POLM: variants seen among roughly 807,000 people sequenced by gnomAD.
POLM encodes DNA-directed DNA/RNA polymerase mu.
Under a neutral mutation model 56.7 loss-of-function variants are expected in POLM, and 52 were observed. That is an observed-to-expected ratio of 0.92 (90% confidence interval 0.73 to 1.15). The LOEUF (loss-of-function observed/expected upper bound fraction) is 1.15. Ranked by LOEUF, POLM falls within the 50% of genes most tolerant of loss-of-function variation. POLM has a pLI of 0.00. For synonymous variants in POLM, 273 were observed against 274.3 expected (o/e 1.00, Z 0.05); for missense variants, 660 against 663.6 (o/e 0.99, Z 0.06).
chr7:44,073,639 A>G lies in POLM; in HGVS notation c.1384T>C (p.Phe462Leu). 6.2e-7 allele frequency: 1 copy of G among 1,614,130 alleles called. No individual in the cohort carries two copies. The highest frequency in any genetic ancestry group is 1.1e-5 in the South Asian group (1 of 91,078). The change falls in exon 10 of 11, where the codon TTT becomes CTT. Residue 462 changes from phenylalanine to leucine, a missense_variant. Phe to Leu is a conservative substitution (Grantham distance 22, BLOSUM62 0). Coordinates refer to ENST00000242248, the MANE Select transcript of POLM (RefSeq NM_013284.4). ...KGLWLNSHGL[F>L]DPEQKTFFQA... is the part of the protein sequence containing the mutation. ...CAACAATGTACCTGCTCCGGGTCAA[A>G]CAGCCCATGGCTGTTCAGCCACAGG...
At chr7:44,079,472 G>A (rs2096193186) in intron 4 of POLM, 99 bp downstream of exon 4, 2 of 1,158,814 alleles carry the variant, frequency 1.7e-6, no homozygotes, top group Non-Finnish European at 2.5e-6. Context: ...ACCCACGACT[G>A]TCTGTCCTCA....
chr7:44,076,629 G>A lies in POLM; in HGVS notation c.715C>T (p.Leu239Phe), dbSNP rs749788115. 8 of 1,613,730 alleles carry A rather than the reference G, an allele frequency of 5.0e-6. No individual in the cohort carries two copies. The Admixed American group carries it at 1.3e-4, about 27-fold the overall frequency. ...CCGACCCCGAAGATCTGGGTGAAGA[G>A]CTGTGGGGAAGGAGCGTAGCCCGGT... ...RRSERYQTMK[L>F]FTQIFGVGVK... The change falls in exon 6 of 11, where the codon CTC becomes TTC. Residue 239 changes from leucine (L) to phenylalanine (F), a missense_variant and splice_region_variant. Leu to Phe is a conservative substitution (Grantham distance 22, BLOSUM62 0). Coordinates refer to ENST00000242248, the MANE Select transcript of POLM (RefSeq NM_013284.4).
At chr7:44,076,122 TA>T in intron 6 of POLM, 1 of 164,772 alleles carries the variant, frequency 6.1e-6, no homozygotes. Flanking sequence ...AAATGGTAGA[TA>T]AGACTCAAAC....
At position 44,073,213 on chromosome 7, in the gene POLM, A is replaced by G. The variant is rs2096173093; in HGVS notation, c.*78T>C. On this transcript the variant is annotated 3_prime_UTR_variant, in exon 11 of 11. Transcript: ENST00000242248. ...GTGAAGGTGGGGGTCAGGGGGCAGCATATCTGCCTGGAGACATTCAGTGGC... is the reference window on the plus strand; with the variant it reads ...GTGAAGGTGGGGGTCAGGGGGCAGCGTATCTGCCTGGAGACATTCAGTGGC... 3.1e-6 allele frequency: 5 copies of G among 1,611,860 alleles called. No individual in the cohort carries two copies. Among genetic ancestry groups the G allele is most frequent in the African/African-American group, 1.3e-5 (1 of 74,994 alleles).
intron 2 of POLM, 123 bp downstream of exon 2, chr7:44,080,610 T>C: frequency 1.8e-6 from 2 of 1,089,598 alleles, no homozygotes; most frequent in Non-Finnish European, 2.8e-6. Context: ...GGGTAGAGTC[T>C]TCACTGCCCA....
intron 1 of POLM, 63 bp downstream of exon 1, chr7:44,082,188 C>A: frequency 7.4e-7 from 1 of 1,355,776 alleles, no homozygotes; most frequent in Non-Finnish European, 9.6e-7. Context: ...AGTGCCACTG[C>A]AAACTTAGAA....
In POLM at chr7:44,073,665, C is replaced by T. The variant is rs1210956068; in HGVS notation, c.1358G>A (p.Gly453Asp). ...CAGCCCATGGCTGTTCAGCCACAGG[C>T]CCTTCTCCTTCCGGCTGAAGCGGCG... is the stretch of plus-strand genomic sequence containing the variant. The part of the protein sequence containing the change: ...ELRRFSRKEK[G>D]LWLNSHGLFD... The change falls in exon 10 of 11, where the codon GGC becomes GAC. Residue 453 changes from glycine (G) to aspartate (D), a missense_variant. Transcript: ENST00000242248. 1 of 1,614,074 alleles carries T rather than the reference C, an allele frequency of 6.2e-7. No individual in the cohort carries two copies. Among genetic ancestry groups the T allele is most frequent in the Non-Finnish European group, 8.5e-7 (1 of 1,180,036 alleles).
rs2096203451 is a variant in POLM, at chr7:44,082,521, G to C, written c.-83C>G. 1 of 611,850 alleles carries C rather than the reference G, an allele frequency of 1.6e-6. No individual in the cohort carries two copies. The highest frequency in any genetic ancestry group is 3.5e-5 in the East Asian group (1 of 28,430). The allele number at this position is 611,850 out of a possible 1,614,324, so 37.9% of individuals were successfully genotyped here. ...GGAAGGAAGCCCCAGTGAGGCTGAC[G>C]GAAGCGGGTGGGCGGGCGGGCGGCC... On this transcript the variant is annotated 5_prime_UTR_variant, in exon 1 of 11. Coordinates refer to ENST00000242248, the MANE Select transcript of POLM (RefSeq NM_013284.4).
At chr7:44,074,666 T>A in intron 6 of POLM, 136 bp from the exon 7 acceptor site, 1 of 952,050 alleles carries the variant, frequency 1.1e-6, no homozygotes, top group Non-Finnish European at 1.5e-6. Flanking sequence ...AAGGTGAGGC[T>A]AGGGCAGGGA....
At chr7:44,078,891 G>C in intron 4 of POLM, 80 bp from the exon 5 acceptor site, 1 of 1,199,668 alleles carries the variant, frequency 8.3e-7, no homozygotes, top group Non-Finnish European at 1.2e-6. Context: ...GGTCAGGGCT[G>C]GGGGCCCAAG....
At chr7:44,078,669 A>G (rs769468122) in intron 5 of POLM, 71 bp downstream of exon 5, 7 of 1,397,766 alleles carry the variant, frequency 5.0e-6, no homozygotes, top group African/African-American at 2.8e-5. Context: ...CTCCCCGTGC[A>G]TGGTGTGGAC....
chr7:44,077,222 T>A (rs750727517), intron 5 of POLM, among the ~76,000 whole-genome samples: 2 of 152,246 alleles, frequency 1.3e-5, no homozygotes, highest in Non-Finnish European at 2.9e-5. Context: ...AGCTGTAGCC[T>A]GTGGCAGCCG....
At position 44,082,354 on chromosome 7, in the gene POLM, C is replaced by A. The variant is rs1586031252; in HGVS notation, c.85G>T (p.Gly29Ter). 1 of 1,553,228 alleles carries A rather than the reference C, an allele frequency of 6.4e-7. No homozygotes were observed. The highest frequency in any genetic ancestry group is 8.6e-7 in the Non-Finnish European group (1 of 1,157,810). ...SSTPPSTRFP[G>*]VAIYLVEPRM... The stretch of plus-strand genomic sequence containing the variant: ...GGCTCGACCAGGTAGATGGCGACTC[C>A]CGGGAAGCGCGTCGAGGGCGGCGTG... Residue 29 changes from glycine (G) to a stop codon, truncating the protein, a stop_gained, in exon 1 of 11, where the codon GGA becomes TGA. Coordinates refer to ENST00000242248, the MANE Select transcript of POLM (RefSeq NM_013284.4). LOFTEE classifies it high-confidence loss of function.
rs771010639 is a variant in POLM at position 44,080,828 on chromosome 7, C to T, written c.277G>A (p.Gly93Ser). The T allele has an allele frequency of 6.2e-7, 1 of 1,613,044 alleles. No individual in the cohort carries two copies. The highest frequency in any genetic ancestry group is 1.7e-5 in the Admixed American group (1 of 59,834). ...QERRMAAAPPGCTPPALLDIS... is the reference protein window; with the variant it reads ...QERRMAAAPPSCTPPALLDIS... ...TCCAGCAGAGCTGGGGGGGTGCAAC[C>T]CGGGGGAGCAGCTGCCATCCTGCGC... Residue 93 changes from glycine (G) to serine (S), a missense_variant, in exon 2 of 11, where the codon GGT becomes AGT. Coordinates refer to ENST00000242248, the MANE Select transcript of POLM (RefSeq NM_013284.4).
Position 44,078,369 on chromosome 7 carries a change from G to C in POLM, c.714+371C>G, listed in dbSNP as rs148030919. ...TAGTCCCAGCTACTCCAGAGACTGA[G>C]GTGGGAGGATGGTTTGAGCCCAGGA... On this transcript the variant is annotated intron_variant, in intron 5 of 10. Transcript: ENST00000242248. The C allele has an allele frequency of 9.7e-4, 216 of 221,660 alleles. 1 individual carries two copies. The highest frequency in any genetic ancestry group is 4.8e-3 in the African/African-American group (210 of 44,048). The allele number at this position is 221,660 out of a possible 1,614,324, so 13.7% of individuals were successfully genotyped here.
intron 5 of POLM, chr7:44,078,340 C>T: frequency 5.4e-6 from 1 of 186,674 alleles, no homozygotes; most frequent in Non-Finnish European, 1.1e-5. Flanking sequence ...GTGGCACATG[C>T]CTGTAGTCCC....
intron 4 of POLM, 65 bp from the exon 5 acceptor site, chr7:44,078,876 G>T: frequency 1.4e-6 from 2 of 1,409,984 alleles, no homozygotes; most frequent in Non-Finnish European, 2.0e-6. Context: ...AGGGCGGGGA[G>T]TTAGGGTCAG....
chr7:44,075,296 C>T (rs11766197), intron 6 of POLM, among the ~76,000 whole-genome samples: 27,557 of 152,074 alleles, frequency 0.18, 2,678 homozygotes, highest in African/African-American at 0.25. Flanking sequence ...GTGATCCACC[C>T]GCCTCGGCCT....
In POLM at chr7:44,072,933, C is replaced by T; in HGVS notation, c.*358G>A. Reference sequence around the variant, plus strand: ...GTTAACTGCAGTGCAACTAATGAGACACTGCACATCAGGGACCACTTGCCA... The same window carrying T: ...GTTAACTGCAGTGCAACTAATGAGATACTGCACATCAGGGACCACTTGCCA... On this transcript the variant is annotated 3_prime_UTR_variant, in exon 11 of 11. Coordinates refer to ENST00000242248, the MANE Select transcript of POLM (RefSeq NM_013284.4). The T allele has an allele frequency of 1.8e-6, 1 of 542,996 alleles. No homozygotes were observed. Among genetic ancestry groups the T allele is most frequent in the South Asian group, 3.5e-5 (1 of 28,288 alleles). 33.6% of individuals were successfully genotyped at this position (542,996 alleles called of 1,614,324 possible). A position where few individuals can be genotyped will look rare whatever the true frequency, so the allele number is the denominator to read the frequency against.
Sources: allele counts gnomAD v4.1 joint callset (sites outside exome capture counted in the v4.1 genomes callset), GRCh38; gene constraint gnomAD v4.1.1; transcripts MANE v1.5; gene names NCBI Gene and HGNC (gene_info 2026-07-23, HGNC 2026-07-21).